LRRN1: variants seen among roughly 807,000 people sequenced by gnomAD.
The protein encoded by LRRN1 is leucine-rich repeat neuronal protein 1.
In LRRN1, 14 loss-of-function variants were observed where a neutral mutation model predicts 45.8. The ratio of observed to expected loss-of-function variants is 0.31; its 90% CI spans 0.20 to 0.48. LRRN1 has a LOEUF of 0.48. Ranked by LOEUF, LRRN1 falls within the 20% of genes least tolerant of loss-of-function variation. LRRN1 has a pLI of 0.99. For missense variants in LRRN1, 789 were observed against 874.2 expected (o/e 0.90, Z 1.23); for synonymous variants, 359 against 330.1 (o/e 1.09, Z -0.95).
At chr3:3,834,561 ATATT>A (rs1693462817) in intron 1 of LRRN1, among the ~76,000 whole-genome samples, 1 of 120,836 alleles carries the variant, frequency 8.3e-6, no homozygotes, top group Non-Finnish European at 1.8e-5. Context: ...TATGATATAT[ATATT>A]ATTATACATA....
At position 3,846,309 on chromosome 3, in the gene LRRN1, G is replaced by T; in HGVS notation, c.1668G>T (p.Trp556Cys). 11 of 1,613,928 alleles carry T rather than the reference G, an allele frequency of 6.8e-6. No individual in the cohort carries two copies. Among genetic ancestry groups the T allele is most frequent in the Non-Finnish European group, 9.3e-6 (11 of 1,179,994 alleles). ...NSNVMTSNLKWSSATMKIDNP... is the reference protein window; with the variant it reads ...NSNVMTSNLKCSSATMKIDNP... ...ATGTCATGACGTCAAACTTAAAATG[G>T]TCGTCTGCCACCATGAAGATTGATA... Residue 556 changes from tryptophan (W) to cysteine (C), a missense_variant, in exon 2 of 2, where the codon TGG (tryptophan) becomes TGT (cysteine). By Grantham distance (215) the Trp-to-Cys change is radical. Coordinates refer to ENST00000319331, the MANE Select transcript of LRRN1 (RefSeq NM_020873.7). This position sits in a 1 kb window ranked among gnomAD's most constrained non-coding sequence, Gnocchi z 5.7.
intron 1 of LRRN1, among the ~76,000 whole-genome samples, chr3:3,801,830 G>A (rs948234887): frequency 2.6e-5 from 4 of 152,192 alleles, no homozygotes; most frequent in Non-Finnish European, 2.9e-5. Flanking sequence ...TTAGGAAAAG[G>A]TTTGTGTGAA....
chr3:3,848,276 A>G lies in LRRN1; in HGVS notation c.*1484A>G, dbSNP rs1441162877. Among the ~76,000 whole-genome samples, 2 of 152,240 alleles carry G rather than the reference A, an allele frequency of 1.3e-5. No individual in the cohort carries two copies. Among genetic ancestry groups the G allele is most frequent in the African/African-American group, 2.4e-5 (1 of 41,470 alleles). ...AAATATATATAGACAGTTTTGGAGA[A>G]TTGTTTCAAGATTATAGAGGAAACA... On this transcript the variant is annotated 3_prime_UTR_variant, in exon 2 of 2. Transcript: ENST00000319331.
At position 3,846,694 on chromosome 3, in the gene LRRN1, A is replaced by G; in HGVS notation, c.2053A>G (p.Ile685Val). 6.2e-7 allele frequency: 1 copy of G among 1,614,058 alleles called. No individual in the cohort carries two copies. The highest frequency in any genetic ancestry group is 8.5e-7 in the Non-Finnish European group (1 of 1,180,012). Reference protein sequence around the residue: ...IPLNELYPPLINLWEGDSEKD... With the variant: ...IPLNELYPPLVNLWEGDSEKD... ...ACTAAATGAGCTGTACCCACCACTC[A>G]TTAACCTCTGGGAAGGTGACAGCGA... is the stretch of plus-strand genomic sequence containing the variant. Residue 685 changes from isoleucine to valine, a missense_variant, in exon 2 of 2, where the codon ATT becomes GTT. Physicochemically the swap from Ile to Val is conservative, Grantham distance 29 (BLOSUM62 3). Coordinates refer to ENST00000319331, the MANE Select transcript of LRRN1 (RefSeq NM_020873.7). This position sits in a 1 kb window ranked among gnomAD's most constrained non-coding sequence, Gnocchi z 5.7.
intron 1 of LRRN1, among the ~76,000 whole-genome samples, chr3:3,823,772 T>C (rs1693158006): frequency 6.6e-6 from 1 of 152,140 alleles, no homozygotes; most frequent in Non-Finnish European, 1.5e-5. Context: ...GCCTTTCTTT[T>C]TAATTTTTTT....
chr3:3,804,350 A>G (rs924921915), intron 1 of LRRN1, among the ~76,000 whole-genome samples: 2 of 152,228 alleles, frequency 1.3e-5, no homozygotes, highest in African/African-American at 2.4e-5. Flanking sequence ...CCATGCCTCC[A>G]GTACCACAAT....
chr3:3,801,198 G>A (rs1243346114), intron 1 of LRRN1: 2 of 152,262 alleles, frequency 1.3e-5, no homozygotes, highest in East Asian at 1.9e-4. Context: ...TGGTTCTGAA[G>A]CACTTGAAGC....
rs1575308758 is a variant in LRRN1, at chr3:3,849,196, G to A, written c.*2404G>A. On this transcript the variant is annotated 3_prime_UTR_variant, in exon 2 of 2. Coordinates refer to ENST00000319331, the MANE Select transcript of LRRN1 (RefSeq NM_020873.7). ...GCAAACATTTGAACTTACACAGAAT[G>A]AGCACTTAAATACGGGTGCAATAAA... Among the ~76,000 whole-genome samples, 1 of 152,166 alleles carries A rather than the reference G, an allele frequency of 6.6e-6. No individual in the cohort carries two copies. The highest frequency in any genetic ancestry group is 1.9e-4 in the East Asian group (1 of 5,196).
rs1693838144 is a variant in LRRN1, at chr3:3,849,133, G to A, written c.*2341G>A. Among the ~76,000 whole-genome samples the A allele has an allele frequency of 6.6e-6, 1 of 152,188 alleles. No individual in the cohort carries two copies. The highest frequency in any genetic ancestry group is 6.5e-5 in the Admixed American group (1 of 15,284). ...TGATGCATTAGACCCTCAGCAGCCT[G>A]CAATTGCAAATCTGCGAGGTTTCAT... is the stretch of plus-strand genomic sequence containing the variant. On this transcript the variant is annotated 3_prime_UTR_variant, in exon 2 of 2. Transcript: ENST00000319331.
intron 1 of LRRN1, among the ~76,000 whole-genome samples, chr3:3,821,978 A>G (rs1693114606): frequency 6.6e-6 from 1 of 152,210 alleles, no homozygotes; most frequent in Non-Finnish European, 1.5e-5. Context: ...CATATGGCAT[A>G]TTGAAATATT....
intron 1 of LRRN1, among the ~76,000 whole-genome samples, chr3:3,805,888 A>G (rs1692740973): frequency 6.6e-6 from 1 of 152,168 alleles, no homozygotes; most frequent in African/African-American, 2.4e-5. Flanking sequence ...GTAAAACTGA[A>G]ATAAGTTAGC....
At chr3:3,818,671 A>G (rs905770441) in intron 1 of LRRN1, among the ~76,000 whole-genome samples, 1 of 152,282 alleles carries the variant, frequency 6.6e-6, no homozygotes, top group South Asian at 2.1e-4. Flanking sequence ...CTTTCAAAAC[A>G]TGGGAGGAAA....
chr3:3,813,744 A>G (rs1014158976), intron 1 of LRRN1, among the ~76,000 whole-genome samples: 4 of 152,154 alleles, frequency 2.6e-5, no homozygotes, highest in African/African-American at 9.7e-5. Flanking sequence ...GGTTTCCAGG[A>G]TGCAGAGTGA....
At chr3:3,819,635 AT>A (rs1693061235) in intron 1 of LRRN1, among the ~76,000 whole-genome samples, 1 of 152,102 alleles carries the variant, frequency 6.6e-6, no homozygotes, top group Non-Finnish European at 1.5e-5. Context: ...CACCAGTCAT[AT>A]TGGATTAGGG....
chr3:3,804,692 C>T (rs577642535), intron 1 of LRRN1, among the ~76,000 whole-genome samples: 1 of 152,232 alleles, frequency 6.6e-6, no homozygotes, highest in East Asian at 1.9e-4. Flanking sequence ...TCTATTATAC[C>T]ACTGGCAGAC....
intron 1 of LRRN1, chr3:3,801,044 G>A (rs920714196): frequency 2.6e-5 from 4 of 152,382 alleles, no homozygotes; most frequent in African/African-American, 7.2e-5. Context: ...GGTTCCAGGG[G>A]AGCCCGCGCG....
intron 1 of LRRN1, among the ~76,000 whole-genome samples, chr3:3,811,332 ATCTT>A (rs778536494): frequency 3.4e-4 from 52 of 152,262 alleles, no homozygotes; most frequent in Admixed American, 7.8e-4. Context: ...AGCATGTGTT[ATCTT>A]TATTTACATC....
chr3:3,828,768 GA>G (rs946468270), intron 1 of LRRN1, among the ~76,000 whole-genome samples: 4 of 151,854 alleles, frequency 2.6e-5, no homozygotes, highest in Non-Finnish European at 4.4e-5. Context: ...CATGATAAAG[GA>G]AAAAAATGAA....
intron 1 of LRRN1, among the ~76,000 whole-genome samples, chr3:3,808,735 C>T (rs1692816700): frequency 6.6e-6 from 1 of 152,146 alleles, no homozygotes; most frequent in African/African-American, 2.4e-5. Flanking sequence ...TCTCTTAGCC[C>T]ATTCCACTCA....
Sources: allele counts gnomAD v4.1 joint callset (sites outside exome capture counted in the v4.1 genomes callset), GRCh38; gene constraint gnomAD v4.1.1; non-coding constraint Gnocchi (gnomAD v3.1); transcripts MANE v1.5; gene names NCBI Gene and HGNC (gene_info 2026-07-23, HGNC 2026-07-21).